The following PIGQ variants were observed in gnomAD, a reference collection of about 807,000 sequenced individuals.
PIGQ encodes phosphatidylinositol N-acetylglucosaminyltransferase subunit Q.
PIGQ carries 54 observed loss-of-function variants against 60.3 expected under a neutral mutation model. That is an observed-to-expected ratio of 0.90 (90% CI 0.72 to 1.12). The LOEUF is 1.12. PIGQ is among the 50% of genes most tolerant of loss of function. The pLI is 0.00. For missense variants in PIGQ, 799 were observed against 793.5 expected, an observed-to-expected ratio of 1.01 and a Z score of -0.08; for synonymous variants, 416 against 363.7, an observed-to-expected ratio of 1.14 and a Z score of -1.64.
At chr16:579,269 C>A in intron 7 of PIGQ, 89 bp downstream of exon 7, 2 of 1,000,568 alleles carry the variant, frequency 2.0e-6, no homozygotes, top group Middle Eastern at 2.1e-4. Flanking sequence ...CACAAGGGGG[C>A]AGCCTGCTCC....
chr16:579,228 T>C (rs2035774105), intron 7 of PIGQ, 48 bp downstream of exon 7: 1 of 1,497,094 alleles, frequency 6.7e-7, no homozygotes, highest in Non-Finnish European at 9.3e-7. Context: ...CTCCGGCCTG[T>C]GCCCGCTGGG....
Position 583,656 on chromosome 16 carries a change from A to G in PIGQ, c.*621A>G, listed in dbSNP as rs1032872578. On this transcript the variant is annotated 3_prime_UTR_variant, in exon 11 of 11. Transcript: ENST00000321878. ...GTGAAGAAACCATCAGCAGGCTGTG[A>G]GCATCGCCAGGCTGCTGTGGGGGCG... The G allele has an allele frequency of 2.5e-6, 4 of 1,611,574 alleles. No individual in the cohort carries two copies. Among genetic ancestry groups the G allele is most frequent in the Non-Finnish European group, 3.4e-6 (4 of 1,179,558 alleles).
chr16:578,998 C>CGTTTGAGTGGGGCGG lies in PIGQ; in HGVS notation c.1223+61_1223+62insTTTGAGTGGGGCGGG. The CGTTTGAGTGGGGCGG allele has an allele frequency of 2.3e-5, 6 of 258,168 alleles. No individual in the cohort carries two copies. The South Asian group carries it at 1.1e-3, about 46-fold the overall frequency. 16.0% of individuals were successfully genotyped at this position (258,168 alleles called of 1,614,324 possible). On this transcript the variant is annotated intron_variant, in intron 6 of 10. Coordinates refer to ENST00000321878, the MANE Select transcript of PIGQ (RefSeq NM_004204.5). Reference sequence around the variant, plus strand: ...GGGAGGTGCAGAGGCTCCGGCTGGGCGGGCGTTCGAGTGGGGCGGGGGCGG... The same window carrying CGTTTGAGTGGGGCGG: ...GGGAGGTGCAGAGGCTCCGGCTGGGCGTTTGAGTGGGGCGGGGGCGTTCGAGTGGGGCGGGGGCGG...
Position 574,091 on chromosome 16 carries a change from T to C in PIGQ, c.17T>C (p.Phe6Ser). The change falls in exon 2 of 11, where the codon TTC becomes TCC. Residue 6 changes from phenylalanine (F) to serine (S), a missense_variant. Physicochemically the swap from Phe to Ser is radical, Grantham distance 155 (BLOSUM62 -2). Transcript: ENST00000321878. Reference sequence around the variant, plus strand: ...CCTCCCGGCATGGTGCTCAAGGCCTTCTTCCCCACGTGCTGCGTCTCGACG... The same window carrying C: ...CCTCCCGGCATGGTGCTCAAGGCCTCCTTCCCCACGTGCTGCGTCTCGACG... MVLKA[F>S]FPTCCVSTDS... 1.2e-6 allele frequency: 2 copies of C among 1,605,448 alleles called. No individual in the cohort carries two copies. Among genetic ancestry groups the C allele is most frequent in the Non-Finnish European group, 1.7e-6 (2 of 1,176,978 alleles).
intron 9 of PIGQ, chr16:581,952 T>TG (rs1005917550): frequency 9.1e-5 from 40 of 439,170 alleles, no homozygotes; most frequent in Non-Finnish European, 1.5e-4. Flanking sequence ...TTAGTACGTA[T>TG]GGGGTTTCAC....
intron 1 of PIGQ, 124 bp downstream of exon 1, chr16:570,220 G>C (rs2035598624): frequency 6.6e-6 from 1 of 151,968 alleles, no homozygotes; most frequent in African/African-American, 2.4e-5. Flanking sequence ...CAGAAGTGGG[G>C]CCGCCCCCGG....
At position 583,203 on chromosome 16, in the gene PIGQ, A is replaced by G; in HGVS notation, c.*168A>G. 1 of 1,613,196 alleles carries G rather than the reference A, an allele frequency of 6.2e-7. No homozygotes were observed. The highest frequency in any genetic ancestry group is 1.3e-5 in the African/African-American group (1 of 75,028). ...CACCTTGGGCTTGGAGGTCATTGGG[A>G]GTGAGCAGATGTGGGGGTGGCCAGC... On this transcript the variant is annotated 3_prime_UTR_variant, in exon 11 of 11. Transcript: ENST00000321878.
Position 579,222 on chromosome 16 carries a change from G to A in PIGQ, c.1335+42G>A, listed in dbSNP as rs747672640. On this transcript the variant is annotated intron_variant, in intron 7 of 10. Transcript: ENST00000321878. ...GTGGCTGGAGGGGCTGACTGCCTCC[G>A]GCCTGTGCCCGCTGGGCCAGCGCGG... is the stretch of plus-strand genomic sequence containing the variant. 4 of 1,513,366 alleles carry A rather than the reference G, an allele frequency of 2.6e-6. No homozygotes were observed. In the South Asian group the frequency reaches 3.4e-5, roughly 13 times the overall value. 93.7% of individuals were successfully genotyped at this position (1,513,366 alleles called of 1,614,324 possible). A position where few individuals can be genotyped will look rare whatever the true frequency, so the allele number is the denominator to read the frequency against.
Position 583,186 on chromosome 16 carries a change from G to A in PIGQ, c.*151G>A, listed in dbSNP as rs1184198844. On this transcript the variant is annotated 3_prime_UTR_variant, in exon 11 of 11. Coordinates refer to ENST00000321878, the MANE Select transcript of PIGQ (RefSeq NM_004204.5). Reference sequence around the variant, plus strand: ...GGCAGGCCCTGCTATCACACCTTGGGCTTGGAGGTCATTGGGAGTGAGCAG... The same window carrying A: ...GGCAGGCCCTGCTATCACACCTTGGACTTGGAGGTCATTGGGAGTGAGCAG... 7 of 1,613,328 alleles carry A rather than the reference G, an allele frequency of 4.3e-6. No individual in the cohort carries two copies. The highest frequency in any genetic ancestry group is 5.9e-6 in the Non-Finnish European group (7 of 1,180,000).
intron 1 of PIGQ, among the ~76,000 whole-genome samples, chr16:571,488 C>CTGTGTGTGTGTGTGTGTG (rs71299924): frequency 2.3e-4 from 14 of 61,826 alleles, no homozygotes; most frequent in African/African-American, 8.4e-4. Flanking sequence ...TCTGGTTAGC[C>CTGTGTGTGTGTGTGTGTG]TGTGTGTGTG....
chr16:576,663 G>T, intron 4 of PIGQ: 1 of 442,518 alleles, frequency 2.3e-6, no homozygotes, highest in Non-Finnish European at 4.0e-6. Context: ...GCCCAGCTGG[G>T]ACTTCCTGCC....
In PIGQ at chr16:573,029, G is replaced by A. The variant is rs567644942; in HGVS notation, c.-9-1037G>A. On this transcript the variant is annotated intron_variant, in intron 1 of 10. Coordinates refer to ENST00000321878, the MANE Select transcript of PIGQ (RefSeq NM_004204.5). Reference sequence around the variant, plus strand: ...CCAGCCGGCCAGTAGTGCCCCCACCGCTAGGGAGTCCTCCTGCCCTGTGGG... The same window carrying A: ...CCAGCCGGCCAGTAGTGCCCCCACCACTAGGGAGTCCTCCTGCCCTGTGGG... Among the ~76,000 whole-genome samples the A allele has an allele frequency of 9.0e-4, 137 of 152,356 alleles. 1 individual carries two copies. Among genetic ancestry groups the A allele is most frequent in the African/African-American group, 3.1e-3 (129 of 41,586 alleles).
At chr16:581,364 C>T (rs566859071) in intron 9 of PIGQ, 51 of 1,188,052 alleles carry the variant, frequency 4.3e-5, no homozygotes, top group African/African-American at 6.4e-5. Flanking sequence ...TCCGCTGTGC[C>T]GGAAAACCCC....
chr16:574,391 G>C lies in PIGQ; in HGVS notation c.317G>C (p.Ser106Thr). The C allele has an allele frequency of 6.2e-7, 1 of 1,610,484 alleles. No homozygotes were observed. The highest frequency in any genetic ancestry group is 2.2e-5 in the East Asian group (1 of 44,824). ...LCRERGGTFWSCEATHRQAPT... is the reference protein window; with the variant it reads ...LCRERGGTFWTCEATHRQAPT... ...CGGGAGAGAGGCGGCACGTTCTGGA[G>C]CTGCGAGGCCACCCACCGGCAAGCG... Residue 106 changes from serine (S) to threonine (T), a missense_variant, in exon 2 of 11, where the codon AGC (serine) becomes ACC (threonine). Ser to Thr is a moderately conservative substitution (Grantham distance 58, BLOSUM62 1). Transcript: ENST00000321878.
At chr16:582,833 C>G (rs748447979) in intron 10 of PIGQ, 50 bp from the exon 11 acceptor site, 1 of 1,536,876 alleles carries the variant, frequency 6.5e-7, no homozygotes, top group Non-Finnish European at 8.8e-7. Flanking sequence ...TCTCTGCAGA[C>G]GGGGTTGGAG....
Position 583,799 on chromosome 16 carries a change from A to T in PIGQ, c.*764A>T, listed in dbSNP as rs369039067. ...GTCTCCCTTCATGGGCCTCCCAGGG[A>T]AGGAGGAAGCCCTGCTGTGCAGACA... On this transcript the variant is annotated 3_prime_UTR_variant, in exon 11 of 11. Transcript: ENST00000321878. The T allele has an allele frequency of 3.5e-4, 277 of 787,124 alleles. No homozygotes were observed. In the East Asian group the frequency reaches 6.1e-3, roughly 17 times the overall value. The allele number at this position is 787,124 out of a possible 1,614,324, so 48.8% of individuals were successfully genotyped here. A position where few individuals can be genotyped will look rare whatever the true frequency, so the allele number is the denominator to read the frequency against.
At position 578,538 on chromosome 16, in the gene PIGQ, C is replaced by G. The variant is rs767093346; in HGVS notation, c.1069+33C>G. 1.0e-5 allele frequency: 16 copies of G among 1,601,782 alleles called. No individual in the cohort carries two copies. The South Asian group carries it at 1.8e-4, about 18-fold the overall frequency. Reference sequence around the variant, plus strand: ...CAGGGCAGGCGGGGGCCCCAGGGACCCCAGAGCTTGCTGAAGAGGGTAGGG... The same window carrying G: ...CAGGGCAGGCGGGGGCCCCAGGGACGCCAGAGCTTGCTGAAGAGGGTAGGG... On this transcript the variant is annotated intron_variant, in intron 5 of 10. Coordinates refer to ENST00000321878, the MANE Select transcript of PIGQ (RefSeq NM_004204.5).
At chr16:581,141 C>A in intron 9 of PIGQ, 169 bp downstream of exon 9, 1 of 1,461,794 alleles carries the variant, frequency 6.8e-7, no homozygotes, top group Non-Finnish European at 9.1e-7. Context: ...CAGAGGTCTG[C>A]AGGACCAGCT....
intron 9 of PIGQ, among the ~76,000 whole-genome samples, chr16:581,536 C>G (rs961784947): frequency 6.6e-6 from 1 of 151,918 alleles, no homozygotes; most frequent in African/African-American, 2.4e-5. Context: ...AATCTCGGCT[C>G]ACTGTAATCT....
Sources: gnomAD v4.1 joint callset for allele counts (sites outside exome capture counted in the v4.1 genomes callset) on GRCh38, gnomAD v4.1.1 for gene constraint, MANE v1.5 for transcripts, NCBI Gene and HGNC (gene_info 2026-07-23, HGNC 2026-07-21) for gene names.